Variants in TNKS observed in about 807,000 individuals in gnomAD.
TNKS encodes the protein tankyrase, also known as poly [ADP-ribose] polymerase tankyrase-1.
TNKS carries 72 observed loss-of-function variants against 135.8 expected under a neutral mutation model. The ratio of observed to expected loss-of-function variants is 0.53; its 90% CI spans 0.44 to 0.64. TNKS has a LOEUF of 0.64. Among genes scored for constraint, TNKS ranks in the 30% least tolerant of loss-of-function variants. The probability of loss-of-function intolerance (pLI) is 0.00; values close to 1 mark genes in which losing one functional copy is unlikely to be tolerated. For synonymous variants in TNKS, 849 were observed against 649.3 expected, an observed-to-expected ratio of 1.31 and a Z score of -4.68; for missense variants, 1,769 against 1,674.0, an observed-to-expected ratio of 1.06 and a Z score of -0.99.
Position 9,675,647 on chromosome 8 carries a change from G to C in TNKS, c.995-4304G>C, listed in dbSNP as rs73526954. Among the ~76,000 whole-genome samples the C allele has an allele frequency of 3.0e-3, 458 of 152,288 alleles. 2 individuals are homozygous for C. Among genetic ancestry groups the C allele is most frequent in the African/African-American group, 0.01 (419 of 41,556 alleles). ...TTGTTATATTGATGTGATTAACCTA[G>C]TTAAAGCTAATAATTGTCATTATTT... is the stretch of plus-strand genomic sequence containing the variant. On this transcript the variant is annotated intron_variant, in intron 3 of 26. Coordinates refer to ENST00000310430, the MANE Select transcript of TNKS (RefSeq NM_003747.3).
Position 9,556,101 on chromosome 8 carries a change from C to A in TNKS, c.162C>A (p.Ala54=). The part of the protein sequence containing the change: ...TPASPTASGL[A]PFASPRHGLA... The stretch of plus-strand genomic sequence containing the variant: ...CCTCTCCCACGGCCAGCGGCCTGGC[C>A]CCCTTCGCCTCCCCGCGGCACGGCC... Residue 54 remains alanine, a synonymous_variant, in exon 1 of 27, where the codon GCC becomes GCA. Transcript: ENST00000310430. The A allele has an allele frequency of 6.2e-7, 1 of 1,601,266 alleles. No individual in the cohort carries two copies. Among genetic ancestry groups the A allele is most frequent in the South Asian group, 1.1e-5 (1 of 89,644 alleles).
intron 3 of TNKS, among the ~76,000 whole-genome samples, chr8:9,626,996 G>T (rs773110732): frequency 1.3e-5 from 2 of 152,202 alleles, no homozygotes; most frequent in Admixed American, 6.5e-5. Context: ...GGATAGACCA[G>T]AGCATAATTA....
intron 20 of TNKS, among the ~76,000 whole-genome samples, chr8:9,753,478 G>C (rs957007550): frequency 1.3e-5 from 2 of 152,192 alleles, no homozygotes; most frequent in Admixed American, 1.3e-4. Flanking sequence ...GAAGGTCTAA[G>C]GATGGAGTCA....
intron 12 of TNKS, among the ~76,000 whole-genome samples, chr8:9,722,206 TC>T (rs1029883310): frequency 5.3e-5 from 8 of 152,084 alleles, no homozygotes; most frequent in African/African-American, 1.9e-4. Context: ...CCCACAGATT[TC>T]TAAAGGGACC....
At chr8:9,568,162 T>G (rs1236616777) in intron 1 of TNKS, among the ~76,000 whole-genome samples, 1 of 152,212 alleles carries the variant, frequency 6.6e-6, no homozygotes. Context: ...ATTAATGAAG[T>G]GTTTATGGAA....
At chr8:9,692,001 A>G (rs1470574419) in intron 5 of TNKS, among the ~76,000 whole-genome samples, 1 of 152,082 alleles carries the variant, frequency 6.6e-6, no homozygotes, top group Admixed American at 6.5e-5. Flanking sequence ...TGCATCCTAC[A>G]TGTCTTTTTT....
In TNKS at chr8:9,717,549, A is replaced by G. The variant is rs376410077; in HGVS notation, c.1750-2825A>G. Among the ~76,000 whole-genome samples, 141 of 152,298 alleles carry G rather than the reference A, an allele frequency of 9.3e-4. No individual in the cohort carries two copies. The South Asian group carries it at 0.028, about 31-fold the overall frequency. On this transcript the variant is annotated intron_variant, in intron 11 of 26. Coordinates refer to ENST00000310430, the MANE Select transcript of TNKS (RefSeq NM_003747.3). ...TTTAGTAGTTCCTAATGTTTGTTCAATATACAGAACAGTATGTCAAAAGTA... is the reference window on the plus strand; with the variant it reads ...TTTAGTAGTTCCTAATGTTTGTTCAGTATACAGAACAGTATGTCAAAAGTA...
At chr8:9,766,787 A>G (rs180802897) in intron 25 of TNKS, among the ~76,000 whole-genome samples, 9 of 152,152 alleles carry the variant, frequency 5.9e-5, no homozygotes, top group Admixed American at 3.3e-4. Flanking sequence ...CCCAGCCCCA[A>G]ATTGGTTTAT....
chr8:9,563,350 T>G (rs892750309), intron 1 of TNKS, among the ~76,000 whole-genome samples: 1 of 152,056 alleles, frequency 6.6e-6, no homozygotes, highest in East Asian at 1.9e-4. Context: ...AAGGCAGGAG[T>G]TGGAAACTTT....
At chr8:9,562,502 T>G (rs141823835) in intron 1 of TNKS, among the ~76,000 whole-genome samples, 1 of 152,308 alleles carries the variant, frequency 6.6e-6, no homozygotes, top group East Asian at 1.9e-4. Context: ...AGTATTCTTA[T>G]GCTGTGTGTG....
chr8:9,744,379 C>G (rs892002067), intron 17 of TNKS, among the ~76,000 whole-genome samples: 2 of 152,148 alleles, frequency 1.3e-5, no homozygotes, highest in East Asian at 3.8e-4. Context: ...AGTGCTTTCT[C>G]TAAAATGGAT....
intron 3 of TNKS, among the ~76,000 whole-genome samples, chr8:9,669,290 C>T (rs1368997377): frequency 2.0e-5 from 3 of 151,266 alleles, no homozygotes; most frequent in South Asian, 2.1e-4. Flanking sequence ...CGGTGGCGGG[C>T]GCCTGTAGTC....
At chr8:9,695,433 T>C (rs1401069990) in intron 5 of TNKS, among the ~76,000 whole-genome samples, 2 of 151,778 alleles carry the variant, frequency 1.3e-5, no homozygotes, top group African/African-American at 4.8e-5. Flanking sequence ...TGAAGTGGAG[T>C]GGAGTGAAGA....
At chr8:9,582,804 T>G (rs1798217855) in intron 2 of TNKS, among the ~76,000 whole-genome samples, 1 of 152,200 alleles carries the variant, frequency 6.6e-6, no homozygotes, top group Non-Finnish European at 1.5e-5. Flanking sequence ...AATCTCAGCC[T>G]GAATTATGCT....
At chr8:9,685,911 G>C (rs1011894205) in intron 5 of TNKS, among the ~76,000 whole-genome samples, 6 of 152,234 alleles carry the variant, frequency 3.9e-5, no homozygotes, top group African/African-American at 1.2e-4. Context: ...GGGTTGTAGA[G>C]TTTCTCATTA....
chr8:9,754,524 C>G (rs1167622741), intron 20 of TNKS, among the ~76,000 whole-genome samples: 1 of 151,592 alleles, frequency 6.6e-6, no homozygotes, highest in Admixed American at 6.6e-5. Context: ...TTTTTTTTAG[C>G]TACATTTTTT....
intron 3 of TNKS, among the ~76,000 whole-genome samples, chr8:9,679,063 G>A (rs527486514): frequency 7.7e-4 from 117 of 152,126 alleles, no homozygotes; most frequent in African/African-American, 2.7e-3. Context: ...AATACCCTAA[G>A]AAATGTATTA....
chr8:9,750,194 A>G (rs1806447422), intron 18 of TNKS, among the ~76,000 whole-genome samples: 1 of 152,114 alleles, frequency 6.6e-6, no homozygotes, highest in Non-Finnish European at 1.5e-5. Flanking sequence ...CCTCTAGTTG[A>G]TTTTTATTCT....
intron 18 of TNKS, among the ~76,000 whole-genome samples, chr8:9,751,194 A>G (rs1293966662): frequency 6.6e-6 from 1 of 152,262 alleles, no homozygotes; most frequent in Non-Finnish European, 1.5e-5. Flanking sequence ...TGAAAAGTTT[A>G]TGAATAAATG....
Sources: allele counts gnomAD v4.1 joint callset (sites outside exome capture counted in the v4.1 genomes callset), GRCh38; gene constraint gnomAD v4.1.1; transcripts MANE v1.5; gene names NCBI Gene and HGNC (gene_info 2026-07-23, HGNC 2026-07-21).